NAV1: variants seen among roughly 807,000 people sequenced by gnomAD.
The protein encoded by NAV1 is pore membrane and/or filament interacting like protein 3.
Under a neutral mutation model 175.2 loss-of-function variants are expected in NAV1, and 18 were observed. The observed-to-expected ratio is 0.10, with a 90% CI of 0.07 to 0.15. NAV1 has a LOEUF of 0.15. Ranked by LOEUF, NAV1 falls within the 10% of genes least tolerant of loss-of-function variation. The pLI is 1.00. For missense variants in NAV1, 1,731 were observed against 2,436.6 expected, an observed-to-expected ratio of 0.71 and a Z score of 6.10; for synonymous variants, 897 against 978.7, an observed-to-expected ratio of 0.92 and a Z score of 1.56.
intron 1 of NAV1, among the ~76,000 whole-genome samples, chr1:201,706,030 G>C (rs932829586): frequency 4.6e-5 from 7 of 152,156 alleles, no homozygotes; most frequent in African/African-American, 1.7e-4. Context: ...GGCCTGCAAT[G>C]CTCTCCCTGG....
chr1:201,788,616 C>A lies in NAV1; in HGVS notation c.3144C>A (p.Ser1048=). The A allele has an allele frequency of 6.2e-7, 1 of 1,613,436 alleles. No individual in the cohort carries two copies. Among genetic ancestry groups the A allele is most frequent in the Non-Finnish European group, 8.5e-7 (1 of 1,179,588 alleles). The stretch of plus-strand genomic sequence containing the variant: ...CCAAGGGAATGATTCGGTCAGGATC[C>A]TTCCGAGACCCCACGGACGATGGTG... Residue 1048 remains serine (S), a synonymous_variant, in exon 10 of 30, where the codon TCC becomes TCA. Transcript: ENST00000367296. The surrounding 1 kb of genome is among the most constrained non-coding windows in gnomAD (Gnocchi z 5.7).
chr1:201,594,072 C>CTTT lies in NAV1; in HGVS notation c.-33+5436_-33+5438dup, dbSNP rs5780076. On this transcript the variant is annotated intron_variant, in intron 2 of 33. Transcript: ENST00000685211. ...TCTGGCAGCAGGCAAGGGAGTGGCA[C>CTTT]TTTTTTTTTTTTTTTGAGTGGTAGC... is the stretch of plus-strand genomic sequence containing the variant. 5.4e-3 allele frequency among the ~76,000 whole-genome samples: 767 copies of CTTT among 140,890 alleles called. 9 individuals are homozygous for CTTT. Among genetic ancestry groups the CTTT allele is most frequent in the African/African-American group, 0.019 (709 of 38,190 alleles). The allele number at this position is 140,890 out of a possible 152,430, so 92.4% of individuals were successfully genotyped here. A position where few individuals can be genotyped will look rare whatever the true frequency, so the allele number is the denominator to read the frequency against.
intron 3 of NAV1, among the ~76,000 whole-genome samples, chr1:201,729,315 T>C (rs1320543688): frequency 5.9e-5 from 9 of 152,220 alleles, no homozygotes. Flanking sequence ...ACGGCAATAG[T>C]ATTGTTCTTA....
At chr1:201,568,005 C>T (rs1022233325) in intron 1 of NAV1, among the ~76,000 whole-genome samples, 1 of 152,122 alleles carries the variant, frequency 6.6e-6, no homozygotes, top group Non-Finnish European at 1.5e-5. Context: ...TCGCCAAGAC[C>T]CTGCCATGCA....
intron 11 of NAV1, 49 bp from the exon 16 acceptor site, chr1:201,790,505 A>G: frequency 2.5e-6 from 4 of 1,609,850 alleles, no homozygotes; most frequent in Non-Finnish European, 3.4e-6. Flanking sequence ...CCTCCATAGT[A>G]ACTACTTCCT....
intron 3 of NAV1, among the ~76,000 whole-genome samples, chr1:201,738,472 G>T (rs1013286679): frequency 2.6e-5 from 4 of 152,102 alleles, no homozygotes; most frequent in African/African-American, 7.2e-5. Context: ...GGCAGCCAGA[G>T]TAGTAGGGGC....
rs181720188 is a variant in NAV1, at chr1:201,593,498, C to T, written c.-33+4849C>T. On this transcript the variant is annotated intron_variant, in intron 2 of 33. Transcript: ENST00000685211. Reference sequence around the variant, plus strand: ...GTCTGGCCCTGGGGCAGCAGTTAGACGACAGATGAGTCAGAGGATTGCAGA... The same window carrying T: ...GTCTGGCCCTGGGGCAGCAGTTAGATGACAGATGAGTCAGAGGATTGCAGA... 1.0e-3 allele frequency among the ~76,000 whole-genome samples: 155 copies of T among 152,288 alleles called. 1 individual carries two copies. The highest frequency in any genetic ancestry group is 3.1e-3 in the African/African-American group (127 of 41,554).
chr1:201,738,801 A>G (rs1217713248), intron 3 of NAV1, among the ~76,000 whole-genome samples: 1 of 152,100 alleles, frequency 6.6e-6, no homozygotes, highest in African/African-American at 2.4e-5. Flanking sequence ...TTAGTTCAGC[A>G]CTTTAGGGGG....
At chr1:201,804,128 G>T in intron 16 of NAV1, 1 of 444,678 alleles carries the variant, frequency 2.2e-6, no homozygotes, top group South Asian at 2.1e-5. Flanking sequence ...TTAATTTTTG[G>T]GGATGTTTTG....
chr1:201,655,525 T>A (rs1045660899), intron 1 of NAV1, among the ~76,000 whole-genome samples: 1 of 152,122 alleles, frequency 6.6e-6, no homozygotes, highest in Non-Finnish European at 1.5e-5. Context: ...GAGGCAGACA[T>A]CACCTCCCAC....
intron 8 of NAV1, among the ~76,000 whole-genome samples, chr1:201,786,085 G>T (rs968442391): frequency 1.3e-5 from 2 of 152,076 alleles, no homozygotes; most frequent in Admixed American, 1.3e-4. Context: ...GAGCCACTGT[G>T]CCTGACCGAC....
intron 4 of NAV1, 116 bp downstream of exon 8, chr1:201,780,675 G>A: frequency 7.2e-7 from 1 of 1,379,664 alleles, no homozygotes. Context: ...GGTTCTCATA[G>A]GCCTTTGGCC....
At chr1:201,819,442 C>T (rs1679257693) in intron 29 of NAV1, among the ~76,000 whole-genome samples, 1 of 151,008 alleles carries the variant, frequency 6.6e-6, no homozygotes, top group Non-Finnish European at 1.5e-5. Context: ...AAGGATCAGA[C>T]CCATGATCTA....
intron 7 of NAV1, among the ~76,000 whole-genome samples, chr1:201,784,867 A>G (rs538883726): frequency 6.6e-6 from 1 of 152,052 alleles, no homozygotes; most frequent in Admixed American, 6.6e-5. Context: ...TCCTGGGTTC[A>G]TGCCATTCTC....
intron 1 of NAV1, among the ~76,000 whole-genome samples, chr1:201,549,884 A>G (rs903285530): frequency 1.3e-5 from 2 of 150,858 alleles, no homozygotes; most frequent in East Asian, 2.0e-4. Context: ...GGTGGTGGGC[A>G]CCTGTGGTCC....
At position 201,588,982 on chromosome 1, in the gene NAV1, G is replaced by C. The variant is rs571200042; in HGVS notation, c.-33+333G>C. On this transcript the variant is annotated intron_variant, in intron 2 of 33. Transcript: ENST00000685211. The stretch of plus-strand genomic sequence containing the variant: ...CTTGTCTCAGCCTCCTGAGTAGCTG[G>C]GACTACAGGCACACACCACCACGCC... Among the ~76,000 whole-genome samples the C allele has an allele frequency of 4.6e-5, 7 of 152,034 alleles. No individual in the cohort carries two copies. The East Asian group carries it at 1.4e-3, about 29-fold the overall frequency.
chr1:201,779,871 A>G (rs2102703633), intron 3 of NAV1, among the ~76,000 whole-genome samples: 1 of 152,300 alleles, frequency 6.6e-6, no homozygotes, highest in East Asian at 1.9e-4. Flanking sequence ...ACAGAAGAAC[A>G]GTATGTTCTG....
intron 2 of NAV1, among the ~76,000 whole-genome samples, chr1:201,615,843 T>C (rs908425672): frequency 1.3e-5 from 2 of 152,144 alleles, no homozygotes; most frequent in Non-Finnish European, 2.9e-5. Flanking sequence ...TTGGGTGTTA[T>C]TGTGTGAAGC....
intron 1 of NAV1, among the ~76,000 whole-genome samples, chr1:201,675,452 T>C (rs991597215): frequency 1.3e-5 from 2 of 152,164 alleles, no homozygotes; most frequent in African/African-American, 2.4e-5. Context: ...CTCTTCACCA[T>C]GGTAGAGAGA....
Sources: allele counts gnomAD v4.1 joint callset (sites outside exome capture counted in the v4.1 genomes callset), GRCh38; gene constraint gnomAD v4.1.1; non-coding constraint Gnocchi (gnomAD v3.1); transcripts MANE v1.5; gene names NCBI Gene and HGNC (gene_info 2026-07-23, HGNC 2026-07-21).